The following FOXK1 variants were observed in gnomAD, a reference collection of about 807,000 sequenced individuals.
The protein encoded by FOXK1 is forkhead box protein K1.
In FOXK1, 19 loss-of-function variants were observed where a neutral mutation model predicts 51.9. The ratio of observed to expected loss-of-function variants is 0.37; its 90% CI spans 0.26 to 0.54. FOXK1 has a LOEUF of 0.54. FOXK1 is among the 20% of genes least tolerant of loss of function. The probability of loss-of-function intolerance (pLI) is 0.87; values close to 1 mark genes in which losing one functional copy is unlikely to be tolerated. For synonymous variants in FOXK1, 537 were observed against 482.6 expected (o/e 1.11, Z -1.48); for missense variants, 870 against 1,032.7 (o/e 0.84, Z 2.16).
intron 2 of FOXK1, among the ~76,000 whole-genome samples, chr7:4,750,530 C>T (rs567828091): frequency 6.6e-6 from 1 of 151,906 alleles, no homozygotes; most frequent in Non-Finnish European, 1.5e-5. Context: ...GCAAGCTCCG[C>T]CTCCCAGGTT....
rs889777959 is a variant in FOXK1 at position 4,769,172 on chromosome 7, G to C, written c.*6708G>C. ...CTTTCTGTCCAGGGAGAAACCCCTC[G>C]GAAGAATCTTAGTCACTCTTTGCAC... On this transcript the variant is annotated 3_prime_UTR_variant, in exon 9 of 9. Transcript: ENST00000328914. The surrounding 1 kb of genome is among the most constrained non-coding windows in gnomAD (Gnocchi z 4.1). The C allele has an allele frequency of 6.6e-6, 1 of 152,186 alleles. No individual in the cohort carries two copies. Among genetic ancestry groups the C allele is most frequent in the African/African-American group, 2.4e-5 (1 of 41,436 alleles). 9.4% of individuals were successfully genotyped at this position (152,186 alleles called of 1,614,324 possible).
intron 1 of FOXK1, among the ~76,000 whole-genome samples, chr7:4,698,137 T>C (rs1779976467): frequency 6.6e-6 from 1 of 152,124 alleles, no homozygotes; most frequent in Non-Finnish European, 1.5e-5. Context: ...AATTTGTTAT[T>C]AAAATTTTAC....
At chr7:4,687,396 G>C (rs1197912523) in intron 1 of FOXK1, among the ~76,000 whole-genome samples, 16 of 151,792 alleles carry the variant, frequency 1.1e-4, no homozygotes, top group African/African-American at 3.6e-4. Context: ...AGGTTCAAGC[G>C]ATTCTCCTGC....
chr7:4,688,177 T>C (rs1779844260), intron 1 of FOXK1, among the ~76,000 whole-genome samples: 1 of 149,650 alleles, frequency 6.7e-6, no homozygotes, highest in African/African-American at 2.5e-5. Flanking sequence ...CCTTTCCCCC[T>C]CGCCCCAGTT....
Position 4,759,312 on chromosome 7 carries a change from C to G in FOXK1, c.1413C>G (p.Gly471=), listed in dbSNP as rs1296003914. 1.2e-6 allele frequency: 2 copies of G among 1,600,572 alleles called. No homozygotes were observed. The highest frequency in any genetic ancestry group is 2.2e-5 in the South Asian group (2 of 90,778). ...PEYRYSQSAP[G]SPVSAQPVIM... ...GTCCGCTCTCCGCCCTCCGTGCAGG[C>G]TCCCCCGTCAGCGCCCAGCCAGTGA... Residue 471 remains glycine (G), a splice_region_variant and synonymous_variant, in exon 7 of 9, where the codon GGC becomes GGG. Transcript: ENST00000328914.
In FOXK1 at chr7:4,763,747, C is replaced by T. The variant is rs1198522486; in HGVS notation, c.*1283C>T. ...GCCAGTGGTTCCTGGATCTTTGTCA[C>T]CAAGCAGCGTTGAGCCAGAGCTGTC... On this transcript the variant is annotated 3_prime_UTR_variant, in exon 9 of 9. Coordinates refer to ENST00000328914, the MANE Select transcript of FOXK1 (RefSeq NM_001037165.2). 1.3e-5 allele frequency: 2 copies of T among 152,314 alleles called. No homozygotes were observed. Among genetic ancestry groups the T allele is most frequent in the African/African-American group, 4.8e-5 (2 of 41,472 alleles). 9.4% of individuals were successfully genotyped at this position (152,314 alleles called of 1,614,324 possible).
rs375638529 is a variant in FOXK1 at position 4,747,719 on chromosome 7, G to A, written c.746+6696G>A. Among the ~76,000 whole-genome samples the A allele has an allele frequency of 1.5e-4, 22 of 151,710 alleles. No homozygotes were observed. Among genetic ancestry groups the A allele is most frequent in the Middle Eastern group, 3.4e-3 (1 of 292 alleles). ...CACACCCAGCTCATTTTTTATTTTC[G>A]TTGAGATGGTGTCTTGCCCAGGCTG... is the stretch of plus-strand genomic sequence containing the variant. On this transcript the variant is annotated intron_variant, in intron 2 of 8. Transcript: ENST00000328914. The surrounding 1 kb of genome is among the most constrained non-coding windows in gnomAD (Gnocchi z 9.2).
rs140226424 is a variant in FOXK1 at position 4,706,678 on chromosome 7, C to T, written c.560+23810C>T. 9.4e-3 allele frequency among the ~76,000 whole-genome samples: 1,433 copies of T among 152,332 alleles called. 18 individuals carry two copies. Among genetic ancestry groups the T allele is most frequent in the Admixed American group, 0.022 (344 of 15,306 alleles). On this transcript the variant is annotated intron_variant, in intron 1 of 8. Coordinates refer to ENST00000328914, the MANE Select transcript of FOXK1 (RefSeq NM_001037165.2). ...TTTACAGTTCTGTCTGAATTGTTTT[C>T]GGAGTGCAGAAATGTAAAGGAGGTC...
intron 1 of FOXK1, among the ~76,000 whole-genome samples, chr7:4,739,549 G>C (rs1780603786): frequency 6.6e-6 from 1 of 152,220 alleles, no homozygotes; most frequent in African/African-American, 2.4e-5. Context: ...CTTCAAGCCA[G>C]ATGAACCCTG....
intron 1 of FOXK1, among the ~76,000 whole-genome samples, chr7:4,725,408 C>A (rs913778837): frequency 3.9e-5 from 6 of 152,226 alleles, no homozygotes; most frequent in Admixed American, 2.0e-4. Flanking sequence ...CTGCTGTTGC[C>A]CAAAGTGAAA....
chr7:4,740,254 C>T (rs1167519651), intron 1 of FOXK1, among the ~76,000 whole-genome samples: 1 of 152,088 alleles, frequency 6.6e-6, no homozygotes, highest in African/African-American at 2.4e-5. Context: ...CACAGTGAAA[C>T]CCCGTCTCTA....
chr7:4,683,336 C>G lies in FOXK1; in HGVS notation c.560+468C>G, dbSNP rs976660713. ...CATCGGCCTGGACTCCGGGGTCATT[C>G]TGAACTCCCACTGGCCTGGATCCCT... On this transcript the variant is annotated intron_variant, in intron 1 of 8. Transcript: ENST00000328914. The surrounding 1 kb of genome is among the most constrained non-coding windows in gnomAD (Gnocchi z 4.5). 4.6e-5 allele frequency among the ~76,000 whole-genome samples: 7 copies of G among 152,138 alleles called. No individual in the cohort carries two copies. The East Asian group carries it at 1.4e-3, about 30-fold the overall frequency.
chr7:4,734,211 ACT>A lies in FOXK1; in HGVS notation c.561-6624_561-6623del, dbSNP rs1349442126. Among the ~76,000 whole-genome samples, 3 of 151,722 alleles carry A rather than the reference ACT, an allele frequency of 2.0e-5. No homozygotes were observed. The highest frequency in any genetic ancestry group is 6.6e-5 in the Admixed American group (1 of 15,240). On this transcript the variant is annotated intron_variant, in intron 1 of 8. Coordinates refer to ENST00000328914, the MANE Select transcript of FOXK1 (RefSeq NM_001037165.2). This position sits in a 1 kb window ranked among gnomAD's most constrained non-coding sequence, Gnocchi z 5.2. ...GAGAAGGAGCGGCTTGTGTGGGGTG[ACT>A]CTATCTCAAGCCGTAGGCCTCCCAG...
chr7:4,721,422 C>G (rs1172318075), intron 1 of FOXK1, among the ~76,000 whole-genome samples: 1 of 152,118 alleles, frequency 6.6e-6, no homozygotes, highest in African/African-American at 2.4e-5. Context: ...GTGACAGTGG[C>G]TCAGTAAAAT....
In FOXK1 at chr7:4,709,153, G is replaced by A. The variant is rs1413437295; in HGVS notation, c.560+26285G>A. Among the ~76,000 whole-genome samples, 10 of 151,828 alleles carry A rather than the reference G, an allele frequency of 6.6e-5. No individual in the cohort carries two copies. Among genetic ancestry groups the A allele is most frequent in the Admixed American group, 6.6e-4 (10 of 15,246 alleles). ...GGAAAATGTAGTTCCTGGAAGCCTC[G>A]CCTAGCTGTTGCTGTGCACACTGGG... is the stretch of plus-strand genomic sequence containing the variant. On this transcript the variant is annotated intron_variant, in intron 1 of 8. Coordinates refer to ENST00000328914, the MANE Select transcript of FOXK1 (RefSeq NM_001037165.2). The surrounding 1 kb of genome is among the most constrained non-coding windows in gnomAD (Gnocchi z 5.6).
rs538362558 is a variant in FOXK1, at chr7:4,754,738, A to G, written c.903+123A>G. 1,372 of 1,230,404 alleles carry G rather than the reference A, an allele frequency of 1.1e-3. 15 individuals are homozygous for G. The East Asian group carries it at 0.031, about 28-fold the overall frequency. The allele number at this position is 1,230,404 out of a possible 1,614,324, so 76.2% of individuals were successfully genotyped here. On this transcript the variant is annotated intron_variant, in intron 3 of 8. Coordinates refer to ENST00000328914, the MANE Select transcript of FOXK1 (RefSeq NM_001037165.2). Reference sequence around the variant, plus strand: ...TGTGCTCGAGGTGGTCTCAGCCCACAGGGAATGGAGCCGCAGCTGGCGGTA... The same window carrying G: ...TGTGCTCGAGGTGGTCTCAGCCCACGGGGAATGGAGCCGCAGCTGGCGGTA...
chr7:4,725,590 G>C (rs1219820454), intron 1 of FOXK1, among the ~76,000 whole-genome samples: 1 of 152,252 alleles, frequency 6.6e-6, no homozygotes, highest in South Asian at 2.1e-4. Flanking sequence ...CTGCGTGAAC[G>C]GACTCTCCGG....
At chr7:4,728,512 G>C (rs974463348) in intron 1 of FOXK1, among the ~76,000 whole-genome samples, 1 of 152,166 alleles carries the variant, frequency 6.6e-6, no homozygotes, top group African/African-American at 2.4e-5. Context: ...AAGTGCACGT[G>C]CTGTGTGTGT....
chr7:4,715,021 C>T lies in FOXK1; in HGVS notation c.561-25817C>T, dbSNP rs1368278095. Among the ~76,000 whole-genome samples the T allele has an allele frequency of 1.3e-5, 2 of 152,094 alleles. No individual in the cohort carries two copies. Among genetic ancestry groups the T allele is most frequent in the Non-Finnish European group, 2.9e-5 (2 of 68,024 alleles). ...GTACAGAACAGAAGCCACACACCAG[C>T]GACAATCAGAGGTTACATAGGCTTG... On this transcript the variant is annotated intron_variant, in intron 1 of 8. Coordinates refer to ENST00000328914, the MANE Select transcript of FOXK1 (RefSeq NM_001037165.2). This position sits in a 1 kb window ranked among gnomAD's most constrained non-coding sequence, Gnocchi z 4.5.
Sources: gnomAD v4.1 joint callset for allele counts (sites outside exome capture counted in the v4.1 genomes callset) on GRCh38, gnomAD v4.1.1 for gene constraint, Gnocchi (gnomAD v3.1) non-coding constraint, MANE v1.5 for transcripts, NCBI Gene and HGNC (gene_info 2026-07-23, HGNC 2026-07-21) for gene names.